AKR1C8: variants seen among roughly 807,000 people sequenced by gnomAD.
The protein encoded by AKR1C8 is aldo-keto reductase family 1 member C8.
At chr10:5,123,860 A>G in the AKR1C8 span, 1 of 1,576,292 alleles carries the variant, frequency 6.3e-7, no homozygotes, top group Non-Finnish European at 8.7e-7. Flanking sequence ...GATAATATGA[A>G]ACAGTTATGT....
At chr10:5,167,422 G>A in the AKR1C8 span, among the ~76,000 whole-genome samples, 30 of 152,268 alleles carry the variant, frequency 2.0e-4, no homozygotes, top group African/African-American at 2.9e-4. Context: ...AAGAAAATGC[G>A]GCACCTATAC....
chr10:5,166,129 G>T, the AKR1C8 span, among the ~76,000 whole-genome samples: 1 of 151,958 alleles, frequency 6.6e-6, no homozygotes, highest in South Asian at 2.1e-4. Flanking sequence ...ACCATCTTCA[G>T]CCTGCACTCT....
the AKR1C8 span, among the ~76,000 whole-genome samples, chr10:5,133,619 T>A: frequency 6.6e-6 from 1 of 152,174 alleles, no homozygotes; most frequent in Non-Finnish European, 1.5e-5. Context: ...CTGATTACAT[T>A]GACCCAGTCT....
chr10:5,142,603 T>C, the AKR1C8 span, among the ~76,000 whole-genome samples: 2 of 152,110 alleles, frequency 1.3e-5, no homozygotes, highest in Admixed American at 6.6e-5. Flanking sequence ...TCTTAGGGTA[T>C]AGGAAGGCCT....
chr10:5,135,884 G>T, the AKR1C8 span, among the ~76,000 whole-genome samples: 3 of 151,504 alleles, frequency 2.0e-5, no homozygotes, highest in Non-Finnish European at 2.9e-5. Flanking sequence ...TTTTTTCTTT[G>T]CATTGTAGAA....
At chr10:5,123,955 A>C in the AKR1C8 span, 31 of 933,060 alleles carry the variant, frequency 3.3e-5, no homozygotes, top group Non-Finnish European at 4.8e-5. Flanking sequence ...ATTACTGTCA[A>C]CTAATTATCT....
the AKR1C8 span, among the ~76,000 whole-genome samples, chr10:5,172,208 TACA>T: frequency 2.0e-5 from 3 of 152,130 alleles, no homozygotes; most frequent in Non-Finnish European, 4.4e-5. Context: ...TTTTAAATTG[TACA>T]ACATTTCTTG....
At chr10:5,130,749 C>T in the AKR1C8 span, among the ~76,000 whole-genome samples, 9 of 151,826 alleles carry the variant, frequency 5.9e-5, no homozygotes, top group Non-Finnish European at 1.2e-4. Flanking sequence ...ACAAGGAAAA[C>T]TATAAAACAC....
chr10:5,136,930 T>TAAA, the AKR1C8 span, among the ~76,000 whole-genome samples: 2 of 152,190 alleles, frequency 1.3e-5, no homozygotes, highest in Admixed American at 6.5e-5. Context: ...TTATAGCTAT[T>TAAA]AAAAGTCACA....
At chr10:5,117,985 G>A in the AKR1C8 span, among the ~76,000 whole-genome samples, 1 of 152,062 alleles carries the variant, frequency 6.6e-6, no homozygotes, top group East Asian at 1.9e-4. Flanking sequence ...TTCTGCCCCT[G>A]ATCCATAACC....
At chr10:5,161,052 T>C in the AKR1C8 span, among the ~76,000 whole-genome samples, 1 of 152,140 alleles carries the variant, frequency 6.6e-6, no homozygotes, top group Admixed American at 6.6e-5. Flanking sequence ...TGTGCATGTG[T>C]GTATATATAT....
At chr10:5,177,866 CTCTTT>C in the AKR1C8 span, among the ~76,000 whole-genome samples, 5 of 152,076 alleles carry the variant, frequency 3.3e-5, no homozygotes, top group African/African-American at 1.2e-4. Context: ...TGATTCTTCT[CTCTTT>C]TCTTCTTTAT....
the AKR1C8 span, among the ~76,000 whole-genome samples, chr10:5,124,170 A>G: frequency 6.6e-6 from 1 of 152,190 alleles, no homozygotes; most frequent in Non-Finnish European, 1.5e-5. Flanking sequence ...AAATTTCTTC[A>G]AAGACTCATG....
At chr10:5,146,451 G>A in the AKR1C8 span, among the ~76,000 whole-genome samples, 1 of 152,072 alleles carries the variant, frequency 6.6e-6, no homozygotes, top group Admixed American at 6.6e-5. Flanking sequence ...TGAAATAACA[G>A]ATCAAGCAAT....
At chr10:5,165,199 T>C in the AKR1C8 span, among the ~76,000 whole-genome samples, 9 of 152,162 alleles carry the variant, frequency 5.9e-5, no homozygotes, top group Non-Finnish European at 8.8e-5. Context: ...TGGGTTGTCT[T>C]TCCTCCATGT....
chr10:5,155,680 T>G, the AKR1C8 span: 1 of 471,352 alleles, frequency 2.1e-6, no homozygotes, highest in South Asian at 1.6e-5. Flanking sequence ...CTTACAATTG[T>G]AACTTGTCAT....
At chr10:5,166,942 G>A in the AKR1C8 span, among the ~76,000 whole-genome samples, 4 of 148,140 alleles carry the variant, frequency 2.7e-5, no homozygotes. Flanking sequence ...AAATTTACAA[G>A]AAAAAAAAAA....
chr10:5,138,237 C>G, the AKR1C8 span, among the ~76,000 whole-genome samples: 1 of 152,056 alleles, frequency 6.6e-6, no homozygotes, highest in Non-Finnish European at 1.5e-5. Context: ...CTTATCTCAA[C>G]CACATAAGAA....
chr10:5,157,283 T>C, the AKR1C8 span, among the ~76,000 whole-genome samples: 1 of 152,058 alleles, frequency 6.6e-6, no homozygotes, highest in Non-Finnish European at 1.5e-5. Context: ...TTTATTTGGG[T>C]TTGATTTTAA....
Sources: allele counts gnomAD v4.1 joint callset (sites outside exome capture counted in the v4.1 genomes callset), GRCh38; gene constraint gnomAD v4.1.1; transcripts MANE v1.5; gene names NCBI Gene and HGNC (gene_info 2026-07-23, HGNC 2026-07-21).